Variants in ELAC2 observed in about 807,000 individuals in gnomAD.
ELAC2 encodes the protein zinc phosphodiesterase ELAC protein 2.
In ELAC2, 92 loss-of-function variants were observed where a neutral mutation model predicts 105.2. The observed-to-expected ratio is 0.87, with a 90% CI of 0.74 to 1.04. The LOEUF is 1.04. Among genes scored for constraint, ELAC2 ranks in the 50% least tolerant of loss-of-function variants. The pLI, the probability that ELAC2 is intolerant of heterozygous loss-of-function variation, is 0.00. For missense variants in ELAC2, 1,099 were observed against 1,071.7 expected (o/e 1.03, Z -0.36); for synonymous variants, 468 against 409.1 (o/e 1.14, Z -1.74).
chr17:13,011,769 C>T lies in ELAC2; in HGVS notation c.573G>A (p.Arg191=), dbSNP rs2041427392. 1 of 1,614,162 alleles carries T rather than the reference C, an allele frequency of 6.2e-7. No individual in the cohort carries two copies. Among genetic ancestry groups the T allele is most frequent in the Non-Finnish European group, 8.5e-7 (1 of 1,180,038 alleles). The change falls in exon 7 of 24, where the codon AGG becomes AGA. Residue 191 remains arginine, a synonymous_variant. Transcript: ENST00000338034. ...GACTCTGCCATGGTTGGTGCTTTCC[C>T]CTCCTCTGTTCACCTGGTCAGTACA... ...YQIPIHSEQR[R]GKHQPWQSPE...
chr17:12,994,558 G>A, intron 21 of ELAC2, 55 bp from the exon 22 acceptor site: 2 of 1,607,708 alleles, frequency 1.2e-6, no homozygotes, highest in Admixed American at 1.7e-5. Flanking sequence ...CGGCACACAG[G>A]CCTCAGTCAC....
chr17:13,002,793 G>T, intron 12 of ELAC2: 1 of 697,866 alleles, frequency 1.4e-6, no homozygotes, highest in Non-Finnish European at 2.4e-6. Context: ...GGTGTGCTGG[G>T]AAGAGTGAGA....
At position 13,017,794 on chromosome 17, in the gene ELAC2, A is replaced by C; in HGVS notation, c.154T>G (p.Ser52Ala). The C allele has an allele frequency of 6.2e-7, 1 of 1,607,974 alleles. No individual in the cohort carries two copies. Among genetic ancestry groups the C allele is most frequent in the South Asian group, 1.1e-5 (1 of 90,358 alleles). The change falls in exon 1 of 24, where the codon TCC becomes GCC. Residue 52 changes from serine to alanine, a missense_variant. By Grantham distance (99) the Ser-to-Ala change is moderately conservative. Coordinates refer to ENST00000338034, the MANE Select transcript of ELAC2 (RefSeq NM_018127.7). ...AGGTACACGGTGTTTGGGCCGCCGG[A>C]GCACCCCGACGGTCCGCGCTTCTCT... ...TREKRGPSGCSGGPNTVYLQV... is the reference protein window; with the variant it reads ...TREKRGPSGCAGGPNTVYLQV...
intron 22 of ELAC2, 55 bp from the exon 23 acceptor site, chr17:12,993,886 GCAGA>G: frequency 6.2e-7 from 1 of 1,612,258 alleles, no homozygotes; most frequent in Non-Finnish European, 8.5e-7. Context: ...AGACTGCAAA[GCAGA>G]CAGTGGCACA....
At chr17:12,994,719 A>G (rs779854666) in intron 21 of ELAC2, 45 bp downstream of exon 21, 5 of 1,613,034 alleles carry the variant, frequency 3.1e-6, no homozygotes, top group Non-Finnish European at 4.2e-6. Context: ...CAGCTACACA[A>G]ACCCCAGAGC....
At position 12,991,889 on chromosome 17, in the gene ELAC2, G is replaced by T. The variant is rs2040184521; in HGVS notation, c.*929C>A. Among the ~76,000 whole-genome samples the T allele has an allele frequency of 6.6e-6, 1 of 151,790 alleles. No homozygotes were observed. Among genetic ancestry groups the T allele is most frequent in the Admixed American group, 6.6e-5 (1 of 15,234 alleles). On this transcript the variant is annotated 3_prime_UTR_variant, in exon 24 of 24. Transcript: ENST00000338034. The stretch of plus-strand genomic sequence containing the variant: ...CTTACTTTACTTACTTACTTCCTTG[G>T]AAAATGCTCTCCATTTGTCGAGCAC...
chr17:13,016,333 C>T (rs941453632), intron 3 of ELAC2, among the ~76,000 whole-genome samples: 2 of 152,210 alleles, frequency 1.3e-5, no homozygotes, highest in Non-Finnish European at 2.9e-5. Flanking sequence ...CTGTAATCAC[C>T]ACTGCTAGAC....
At position 13,005,740 on chromosome 17, in the gene ELAC2, C is replaced by T. The variant is rs746553705; in HGVS notation, c.870+13G>A. 6.2e-7 allele frequency: 1 copy of T among 1,611,032 alleles called. No homozygotes were observed. Among genetic ancestry groups the T allele is most frequent in the South Asian group, 1.1e-5 (1 of 91,002 alleles). On this transcript the variant is annotated intron_variant, in intron 10 of 23. Coordinates refer to ENST00000338034, the MANE Select transcript of ELAC2 (RefSeq NM_018127.7). ...ACCTGTAACTGCTGAATCAAGAAAACCAGGCATCTCACCTCTCTTCCTTCA... is the reference window on the plus strand; with the variant it reads ...ACCTGTAACTGCTGAATCAAGAAAATCAGGCATCTCACCTCTCTTCCTTCA...
rs915365884 is a variant in ELAC2 at position 13,003,632 on chromosome 17, G to A, written c.984-58C>T. 13 of 1,499,156 alleles carry A rather than the reference G, an allele frequency of 8.7e-6. No homozygotes were observed. The Admixed American group carries it at 1.2e-4, about 14-fold the overall frequency. The allele number at this position is 1,499,156 out of a possible 1,614,324, so 92.9% of individuals were successfully genotyped here. A position where few individuals can be genotyped will look rare whatever the true frequency, so the allele number is the denominator to read the frequency against. ...GCAGACTCAGGACACACCAAGACAG[G>A]GACCACGCAGCCAGGGAGGGGTATC... On this transcript the variant is annotated intron_variant, in intron 11 of 23. Coordinates refer to ENST00000338034, the MANE Select transcript of ELAC2 (RefSeq NM_018127.7).
At position 12,991,833 on chromosome 17, in the gene ELAC2, A is replaced by AAAT. The variant is rs924369480; in HGVS notation, c.*982_*984dup. ...CTCCTGGGTAGGGAATATACACAAT[A>AAAT]AATACTAGATTCAACTTACTTACTT... On this transcript the variant is annotated 3_prime_UTR_variant, in exon 24 of 24. Coordinates refer to ENST00000338034, the MANE Select transcript of ELAC2 (RefSeq NM_018127.7). Among the ~76,000 whole-genome samples the AAAT allele has an allele frequency of 6.5e-4, 99 of 151,648 alleles. No homozygotes were observed. The highest frequency in any genetic ancestry group is 6.0e-3 in the Admixed American group (91 of 15,198).
intron 8 of ELAC2, among the ~76,000 whole-genome samples, chr17:13,006,827 A>C (rs766539376): frequency 1.3e-5 from 2 of 152,206 alleles, no homozygotes; most frequent in African/African-American, 2.4e-5. Context: ...AATTATAATA[A>C]AAAATCTCTA....
chr17:13,017,362 C>G, intron 1 of ELAC2: 1 of 625,218 alleles, frequency 1.6e-6, no homozygotes, highest in Non-Finnish European at 2.8e-6. Context: ...TCTCCACCAC[C>G]GGCTACACAC....
Position 13,013,264 on chromosome 17 carries a change from G to C in ELAC2, c.502C>G (p.His168Asp), listed in dbSNP as rs773418983. The C allele has an allele frequency of 2.5e-6, 4 of 1,614,144 alleles. No individual in the cohort carries two copies. Among genetic ancestry groups the C allele is most frequent in the Non-Finnish European group, 8.5e-7 (1 of 1,180,028 alleles). Residue 168 changes from histidine to aspartate, a missense_variant, in exon 6 of 24, where the codon CAC becomes GAC. By Grantham distance (81) the His-to-Asp change is moderately conservative. Coordinates refer to ENST00000338034, the MANE Select transcript of ELAC2 (RefSeq NM_018127.7). ...LKGIELAVRP[H>D]SAPEYEDETM... The stretch of plus-strand genomic sequence containing the variant: ...TCATCCTCGTATTCTGGGGCAGAGT[G>C]GGGCCGCACAGCTACAAGAAAACCA...
intron 6 of ELAC2, 149 bp from the exon 7 acceptor site, chr17:13,011,931 C>T: frequency 2.3e-6 from 3 of 1,321,808 alleles, no homozygotes; most frequent in Non-Finnish European, 3.2e-6. Context: ...AGTTAACTTC[C>T]TACCTGGTTT....
rs1019378157 is a variant in ELAC2 at position 12,992,440 on chromosome 17, C to G, written c.*378G>C. Reference sequence around the variant, plus strand: ...CTGAAATACTATTTTCGTTAAGTCTCGGACACTTAGACCCACTGATCCTGT... The same window carrying G: ...CTGAAATACTATTTTCGTTAAGTCTGGGACACTTAGACCCACTGATCCTGT... On this transcript the variant is annotated 3_prime_UTR_variant, in exon 24 of 24. Coordinates refer to ENST00000338034, the MANE Select transcript of ELAC2 (RefSeq NM_018127.7). 1 of 396,344 alleles carries G rather than the reference C, an allele frequency of 2.5e-6. No homozygotes were observed. Among genetic ancestry groups the G allele is most frequent in the Admixed American group, 4.1e-5 (1 of 24,134 alleles). 24.6% of individuals were successfully genotyped at this position (396,344 alleles called of 1,614,324 possible).
Position 12,996,508 on chromosome 17 carries a change from C to T in ELAC2, c.1659+39G>A, listed in dbSNP as rs377217511. On this transcript the variant is annotated intron_variant, in intron 17 of 23. Transcript: ENST00000338034. ...GGGCCAACTCAACGTGGCAGTGCCT[C>T]CTCCAGGCTCCAGCTTTGTGGTCCA... The T allele has an allele frequency of 2.5e-6, 4 of 1,612,920 alleles. No homozygotes were observed. The African/African-American group carries it at 4.0e-5, about 16-fold the overall frequency.
At chr17:13,013,892 T>G (rs937424149) in intron 5 of ELAC2, among the ~76,000 whole-genome samples, 7 of 152,268 alleles carry the variant, frequency 4.6e-5, no homozygotes, top group Admixed American at 2.0e-4. Flanking sequence ...GCAGGAGCCC[T>G]GCCGTCTGGA....
intron 5 of ELAC2, 50 bp from the exon 6 acceptor site, chr17:13,013,325 T>G: frequency 6.3e-7 from 1 of 1,598,514 alleles, no homozygotes; most frequent in Non-Finnish European, 8.6e-7. Context: ...TGAAGATGTG[T>G]GGGAAGAGTA....
At chr17:13,002,406 A>G in intron 13 of ELAC2, 35 bp downstream of exon 13, 1 of 1,614,084 alleles carries the variant, frequency 6.2e-7, no homozygotes, top group Non-Finnish European at 8.5e-7. Context: ...AGGGGACGAG[A>G]GCTGGGCCGA....
Sources: allele counts gnomAD v4.1 joint callset (sites outside exome capture counted in the v4.1 genomes callset), GRCh38; gene constraint gnomAD v4.1.1; transcripts MANE v1.5; gene names NCBI Gene and HGNC (gene_info 2026-07-23, HGNC 2026-07-21).